Variants in ENTPD1 observed in about 807,000 individuals in gnomAD.
The protein encoded by ENTPD1 is ATP diphosphohydrolase.
In ENTPD1, 33 loss-of-function variants were observed where a neutral mutation model predicts 57.0. The ratio of observed to expected loss-of-function variants is 0.58; its 90% CI spans 0.44 to 0.77. The LOEUF (loss-of-function observed/expected upper bound fraction) is 0.77. Among genes scored for constraint, ENTPD1 ranks in the 30% least tolerant of loss-of-function variants. The probability of loss-of-function intolerance (pLI) is 0.00; values close to 1 mark genes in which losing one functional copy is unlikely to be tolerated. For missense variants in ENTPD1, 501 were observed against 603.4 expected (o/e 0.83, Z 1.78); for synonymous variants, 202 against 218.8 (o/e 0.92, Z 0.68).
At chr10:95,847,370 T>C in intron 6 of ENTPD1, 76 bp from the exon 7 acceptor site, 2 of 1,560,018 alleles carry the variant, frequency 1.3e-6, no homozygotes, top group South Asian at 1.1e-5. Flanking sequence ...AGTGCCTACA[T>C]ATTGATTAAG....
At chr10:95,797,454 C>G (rs1476129415) in intron 1 of ENTPD1, among the ~76,000 whole-genome samples, 2 of 152,062 alleles carry the variant, frequency 1.3e-5, no homozygotes, top group Non-Finnish European at 2.9e-5. Flanking sequence ...TTGTGTTAGT[C>G]TGTTTGCATT....
chr10:95,750,231 G>C (rs1472546266), intron 1 of ENTPD1, among the ~76,000 whole-genome samples: 1 of 152,150 alleles, frequency 6.6e-6, no homozygotes, highest in Non-Finnish European at 1.5e-5. Flanking sequence ...AGCGGGGATG[G>C]GTCAGGCAAA....
At chr10:95,752,329 A>T (rs777431169), upstream of ENTPD1, among the ~76,000 whole-genome samples, 3 of 152,150 alleles carry the variant, frequency 2.0e-5, no homozygotes, top group African/African-American at 4.8e-5. Flanking sequence ...GTTTTAATTA[A>T]TTTTTTAAAA....
upstream of ENTPD1, among the ~76,000 whole-genome samples, chr10:95,750,852 A>G (rs1328686135): frequency 6.6e-6 from 1 of 152,082 alleles, no homozygotes; most frequent in Non-Finnish European, 1.5e-5. Context: ...GTGAAACCCC[A>G]TCTCCACTAA....
chr10:95,770,199 G>A (rs996138454), intron 1 of ENTPD1, among the ~76,000 whole-genome samples: 2 of 151,604 alleles, frequency 1.3e-5, no homozygotes, highest in Admixed American at 6.6e-5. Flanking sequence ...TAAAGGTTGG[G>A]GATAGGAAGA....
chr10:95,711,976 T>G (rs768729386), exon 1 of ENTPD1: 1 of 1,613,678 alleles, frequency 6.2e-7, no homozygotes, highest in Non-Finnish European at 8.5e-7. Flanking sequence ...ACCAAGGACC[T>G]GACAAGCCAG....
chr10:95,801,439 C>T (rs575204918), intron 1 of ENTPD1, among the ~76,000 whole-genome samples: 1 of 152,242 alleles, frequency 6.6e-6, no homozygotes, highest in South Asian at 2.1e-4. Flanking sequence ...ATCCCAGCAC[C>T]ATTTATTGAA....
chr10:95,719,988 G>A (rs1006519234), intron 1 of ENTPD1, among the ~76,000 whole-genome samples: 1 of 152,176 alleles, frequency 6.6e-6, no homozygotes, highest in African/African-American at 2.4e-5. Flanking sequence ...GTACAGCTGG[G>A]TATGGAGGGA....
chr10:95,845,796 T>C, intron 6 of ENTPD1, 200 bp downstream of exon 6: 1 of 729,200 alleles, frequency 1.4e-6, no homozygotes. Context: ...CATGTTTGTT[T>C]ACTGCGTTAT....
intron 1 of ENTPD1, among the ~76,000 whole-genome samples, chr10:95,732,324 T>C (rs1008113614): frequency 6.6e-6 from 1 of 152,146 alleles, no homozygotes; most frequent in Non-Finnish European, 1.5e-5. Context: ...GTTCTTGCAA[T>C]TTTTCTGTAG....
intron 2 of ENTPD1, among the ~76,000 whole-genome samples, chr10:95,823,994 AT>A (rs992109474): frequency 6.6e-6 from 1 of 152,272 alleles, no homozygotes; most frequent in African/African-American, 2.4e-5. Flanking sequence ...ATCATTAAAG[AT>A]CATTAGGATC....
upstream of ENTPD1, among the ~76,000 whole-genome samples, chr10:95,709,542 C>T (rs1566082989): frequency 6.6e-6 from 1 of 152,088 alleles, no homozygotes; most frequent in East Asian, 1.9e-4. Flanking sequence ...TGCCACCACG[C>T]CCGGCTAATT....
At chr10:95,755,665 G>A, upstream of ENTPD1, 4 of 1,536,472 alleles carry the variant, frequency 2.6e-6, no homozygotes, top group Non-Finnish European at 3.5e-6. Flanking sequence ...GTTGCTCTTT[G>A]CTCTAATGAG....
At position 95,844,430 on chromosome 10, in the gene ENTPD1, T is replaced by G. The variant is rs773270213; in HGVS notation, c.414-46T>G. ...TGTAGCTGAAATGGGTAATGTAATATAATTATTAAAACAAAAATGATAACC... is the reference window on the plus strand; with the variant it reads ...TGTAGCTGAAATGGGTAATGTAATAGAATTATTAAAACAAAAATGATAACC... On this transcript the variant is annotated intron_variant, in intron 4 of 9. Coordinates refer to ENST00000371205, the MANE Select transcript of ENTPD1 (RefSeq NM_001776.6). 8.1e-6 allele frequency: 13 copies of G among 1,612,796 alleles called. No homozygotes were observed. In the South Asian group the frequency reaches 1.3e-4, roughly 16 times the overall value.
chr10:95,852,792 C>T (rs1259913896), intron 7 of ENTPD1, among the ~76,000 whole-genome samples: 2 of 152,104 alleles, frequency 1.3e-5, no homozygotes, highest in Non-Finnish European at 2.9e-5. Flanking sequence ...TGGTCTGTAT[C>T]TCTGTTTTGG....
chr10:95,701,653 C>T, the ENTPD1 span, among the ~76,000 whole-genome samples: 4 of 152,076 alleles, frequency 2.6e-5, no homozygotes, highest in African/African-American at 9.7e-5. Context: ...ATACTTGGAG[C>T]ATTGACAAAA....
intron 1 of ENTPD1, among the ~76,000 whole-genome samples, chr10:95,767,314 C>CAAAAAAAAAAA (rs1160221654): frequency 1.2e-4 from 8 of 68,072 alleles, no homozygotes; most frequent in South Asian, 5.3e-4. Flanking sequence ...GACTCCATCT[C>CAAAAAAAAAAA]AAAAAAAAAA....
At chr10:95,704,519 A>C in the ENTPD1 span, among the ~76,000 whole-genome samples, 1 of 152,216 alleles carries the variant, frequency 6.6e-6, no homozygotes. Context: ...ATTTGTGACA[A>C]AGGTAATATT....
the ENTPD1 span, among the ~76,000 whole-genome samples, chr10:95,706,422 T>C: frequency 2.0e-5 from 3 of 152,288 alleles, no homozygotes; most frequent in South Asian, 6.2e-4. Context: ...GGGTGGCTCC[T>C]CTCTGCAGAT....
Sources: gnomAD v4.1 joint callset for allele counts (sites outside exome capture counted in the v4.1 genomes callset) on GRCh38, gnomAD v4.1.1 for gene constraint, MANE v1.5 for transcripts, NCBI Gene and HGNC (gene_info 2026-07-23, HGNC 2026-07-21) for gene names.